Variants in SHROOM2 observed in about 807,000 individuals in gnomAD.
SHROOM2 encodes shroom family member 2.
Under a neutral mutation model 75.9 loss-of-function variants are expected in SHROOM2, and 33 were observed. The observed-to-expected ratio is 0.43, with a 90% CI of 0.33 to 0.58. The LOEUF is 0.58. Among genes scored for constraint, SHROOM2 ranks in the 20% least tolerant of loss-of-function variants. SHROOM2 has a pLI of 0.04. For missense variants in SHROOM2, 1,434 were observed against 1,461.2 expected, an observed-to-expected ratio of 0.98 and a Z score of 0.30; for synonymous variants, 655 against 663.6, an observed-to-expected ratio of 0.99 and a Z score of 0.20.
At chrX:9,909,801 A>G (rs1425277980) in intron 5 of SHROOM2, among the ~76,000 whole-genome samples, 1 of 112,077 alleles carries the variant, frequency 8.9e-6, no homozygotes, top group Non-Finnish European at 1.9e-5. Context: ...ATAATAAAAC[A>G]CCTAAGATTA....
At chrX:9,817,553 G>A (rs1230083098) in intron 1 of SHROOM2, among the ~76,000 whole-genome samples, 3 of 111,578 alleles carry the variant, frequency 2.7e-5, no homozygotes, top group East Asian at 5.6e-4. Flanking sequence ...ACAATTTAGG[G>A]CAAGTATACA....
At chrX:9,913,471 G>C (rs1285635666) in intron 5 of SHROOM2, among the ~76,000 whole-genome samples, 1 of 112,469 alleles carries the variant, frequency 8.9e-6, no homozygotes, top group African/African-American at 3.2e-5. Flanking sequence ...TTTATGTTGT[G>C]ATAAAAGAAA....
At chrX:9,910,428 A>G (rs970190172) in intron 5 of SHROOM2, among the ~76,000 whole-genome samples, 2 of 110,923 alleles carry the variant, frequency 1.8e-5, no homozygotes, top group Admixed American at 1.9e-4. Flanking sequence ...GATGCTGGCC[A>G]GGCGCAATGG....
chrX:9,855,135 C>T lies in SHROOM2; in HGVS notation c.166-18517C>T, dbSNP rs185580434. 9.5e-5 allele frequency among the ~76,000 whole-genome samples: 10 copies of T among 105,498 alleles called. No individual in the cohort carries two copies. In the East Asian group the frequency reaches 3.0e-3, roughly 31 times the overall value. 91.6% of individuals were successfully genotyped at this position (105,498 alleles called of 115,157 possible). A position where few individuals can be genotyped will look rare whatever the true frequency, so the allele number is the denominator to read the frequency against. ...TGGACACAGGGAGGGAAACATCACA[C>T]ACCAGGGCCTGTCGGGGAGTTGGGG... On this transcript the variant is annotated intron_variant, in intron 1 of 9. Coordinates refer to ENST00000380913, the MANE Select transcript of SHROOM2 (RefSeq NM_001649.4).
chrX:9,885,956 A>T (rs2084258723), intron 2 of SHROOM2, among the ~76,000 whole-genome samples: 1 of 110,721 alleles, frequency 9.0e-6, no homozygotes, highest in South Asian at 3.8e-4. Flanking sequence ...CTGTCAAAAA[A>T]AAAAAAAAAA....
chrX:9,814,891 G>A (rs2083810636), intron 1 of SHROOM2, among the ~76,000 whole-genome samples: 2 of 111,516 alleles, frequency 1.8e-5, no homozygotes, highest in African/African-American at 6.5e-5. Flanking sequence ...TTCATTGAAG[G>A]TCAGCCCCTC....
chrX:9,879,406 G>A (rs949949303), intron 2 of SHROOM2, among the ~76,000 whole-genome samples: 2 of 111,424 alleles, frequency 1.8e-5, no homozygotes, highest in Non-Finnish European at 3.8e-5. Flanking sequence ...GACTACAGGC[G>A]TGTGCCACCA....
chrX:9,946,432 C>T (rs1475533572), intron 9 of SHROOM2, among the ~76,000 whole-genome samples: 1 of 112,824 alleles, frequency 8.9e-6, no homozygotes, highest in Admixed American at 9.3e-5. Context: ...AGAGGAAACC[C>T]AGAGAGGCCT....
At chrX:9,847,839 G>A (rs1249465356) in intron 1 of SHROOM2, among the ~76,000 whole-genome samples, 1 of 111,886 alleles carries the variant, frequency 8.9e-6, no homozygotes, top group African/African-American at 3.3e-5. Flanking sequence ...TCCTTTTCTC[G>A]TGATTTTTTC....
At chrX:9,936,222 A>G (rs1338760059) in intron 6 of SHROOM2, among the ~76,000 whole-genome samples, 1 of 109,907 alleles carries the variant, frequency 9.1e-6, no homozygotes, top group Non-Finnish European at 1.9e-5. Context: ...AGCGATTCTC[A>G]TGCTTCAGCT....
At chrX:9,898,935 GTTAGA>G (rs1472895710) in intron 5 of SHROOM2, among the ~76,000 whole-genome samples, 1 of 111,343 alleles carries the variant, frequency 9.0e-6, no homozygotes, top group African/African-American at 3.3e-5. Flanking sequence ...CAAGGACAGG[GTTAGA>G]TTAAATACAT....
At chrX:9,914,842 G>A (rs935536631) in intron 5 of SHROOM2, among the ~76,000 whole-genome samples, 15 of 111,901 alleles carry the variant, frequency 1.3e-4, no homozygotes, top group South Asian at 1.1e-3. Context: ...GGGCTCCTGC[G>A]GACTAATGGG....
chrX:9,904,624 T>G (rs769396583), intron 5 of SHROOM2, among the ~76,000 whole-genome samples: 115 of 112,597 alleles, frequency 1.0e-3, no homozygotes, highest in African/African-American at 3.5e-3. Context: ...CCTCCTTTCT[T>G]GTCAGCTGGC....
intron 1 of SHROOM2, among the ~76,000 whole-genome samples, chrX:9,822,985 ATTCTTCTTCTTC>A (rs1193729528): frequency 1.1e-5 from 1 of 88,284 alleles, no homozygotes; most frequent in African/African-American, 4.7e-5. Context: ...AAGAATAATA[ATTCTTCTTCTTC>A]TTCTTCTTCT....
intron 5 of SHROOM2, among the ~76,000 whole-genome samples, chrX:9,899,718 C>T (rs1320044633): frequency 8.9e-6 from 1 of 112,291 alleles, no homozygotes; most frequent in Non-Finnish European, 1.9e-5. Flanking sequence ...GAAAGGCCGA[C>T]GAATAATCCA....
intron 2 of SHROOM2, among the ~76,000 whole-genome samples, chrX:9,890,618 C>T (rs2061606853): frequency 9.0e-6 from 1 of 111,273 alleles, no homozygotes; most frequent in Non-Finnish European, 1.9e-5. Flanking sequence ...TTGGCTCGAG[C>T]GCGCACGCGC....
At chrX:9,901,467 G>A (rs1380199340) in intron 5 of SHROOM2, among the ~76,000 whole-genome samples, 5 of 112,002 alleles carry the variant, frequency 4.5e-5, no homozygotes, top group Non-Finnish European at 9.4e-5. Context: ...CAGGCTTTAC[G>A]TTCATGACAG....
intron 1 of SHROOM2, among the ~76,000 whole-genome samples, chrX:9,863,545 G>A (rs895980768): frequency 2.7e-5 from 3 of 110,237 alleles, no homozygotes; most frequent in Non-Finnish European, 5.7e-5. Context: ...ACCTCCTTGA[G>A]CATCTAGTTC....
intron 8 of SHROOM2, among the ~76,000 whole-genome samples, chrX:9,942,647 C>A (rs993476162): frequency 3.8e-5 from 4 of 105,006 alleles, no homozygotes; most frequent in Admixed American, 1.0e-4. Flanking sequence ...GAAAGGGGTG[C>A]GGAAGAGCTT....
Sources: gnomAD v4.1 joint callset for allele counts (sites outside exome capture counted in the v4.1 genomes callset) on GRCh38, gnomAD v4.1.1 for gene constraint, MANE v1.5 for transcripts, NCBI Gene and HGNC (gene_info 2026-07-23, HGNC 2026-07-21) for gene names.